The following NEK10 variants were observed in gnomAD, a reference collection of about 807,000 sequenced individuals.
NEK10 encodes the protein NIMA related kinase 10.
A neutral mutation model predicts 159.8 loss-of-function variants in NEK10; 122 were observed. The observed-to-expected ratio is 0.76, with a 90% CI of 0.66 to 0.89. The LOEUF is 0.89. Ranked by LOEUF, NEK10 falls within the 40% of genes least tolerant of loss-of-function variation. The pLI, the probability that NEK10 is intolerant of heterozygous loss-of-function variation, is 0.00. For missense variants in NEK10, 1,342 were observed against 1,323.1 expected, an observed-to-expected ratio of 1.01 and a Z score of -0.22; for synonymous variants, 466 against 457.1, an observed-to-expected ratio of 1.02 and a Z score of -0.25.
chr3:27,351,048 T>C (rs1482184378), intron 3 of NEK10, among the ~76,000 whole-genome samples: 3 of 152,032 alleles, frequency 2.0e-5, no homozygotes, highest in Non-Finnish European at 4.4e-5. Context: ...AAACAAGAGT[T>C]TCCAAAGCGC....
chr3:27,301,549 G>C, intron 13 of NEK10, 147 bp downstream of exon 13: 1 of 625,204 alleles, frequency 1.6e-6, no homozygotes, highest in Non-Finnish European at 2.8e-6. Context: ...CTGGGACCAA[G>C]AAGTTTCTGG....
chr3:27,338,956 C>G (rs1409595568), intron 5 of NEK10, among the ~76,000 whole-genome samples: 1 of 152,050 alleles, frequency 6.6e-6, no homozygotes, highest in Non-Finnish European at 1.5e-5. Flanking sequence ...CTATAATATA[C>G]TAAAAACTTC....
intron 13 of NEK10, among the ~76,000 whole-genome samples, chr3:27,300,164 T>C (rs2149530586): frequency 6.6e-6 from 1 of 152,324 alleles, no homozygotes; most frequent in African/African-American, 2.4e-5. Context: ...TCATGTGTCA[T>C]GGGAGGAACC....
intron 26 of NEK10, among the ~76,000 whole-genome samples, chr3:27,182,081 A>G (rs1314556772): frequency 6.6e-6 from 1 of 152,140 alleles, no homozygotes; most frequent in African/African-American, 2.4e-5. Context: ...ATATCAAAAG[A>G]TACAGAGTTT....
chr3:27,257,715 T>C (rs1956349083), intron 22 of NEK10, among the ~76,000 whole-genome samples: 4 of 152,084 alleles, frequency 2.6e-5, no homozygotes, highest in Admixed American at 2.0e-4. Flanking sequence ...ATCTGAATAC[T>C]GACTCTATTA....
chr3:27,172,160 C>A (rs1479755108), intron 28 of NEK10, among the ~76,000 whole-genome samples: 6 of 151,330 alleles, frequency 4.0e-5, no homozygotes, highest in African/African-American at 1.5e-4. Flanking sequence ...AACATGAAAC[C>A]CCGTCCCTAC....
At chr3:27,288,768 A>G (rs900406534) in intron 19 of NEK10, among the ~76,000 whole-genome samples, 1 of 152,206 alleles carries the variant, frequency 6.6e-6, no homozygotes, top group Non-Finnish European at 1.5e-5. Flanking sequence ...TTGAGTTTCT[A>G]GATAAAATTT....
Position 27,130,395 on chromosome 3 carries a change from A to C in NEK10, c.3081+1485T>G, listed in dbSNP as rs534920007. 3.3e-5 allele frequency among the ~76,000 whole-genome samples: 5 copies of C among 152,302 alleles called. No individual in the cohort carries two copies. In the South Asian group the frequency reaches 1.0e-3, roughly 32 times the overall value. ...GAGAGATGCTGCCACAATACACAGG[A>C]AGGAAGACAAGGAGTGGGTGGGAGA... On this transcript the variant is annotated intron_variant, in intron 32 of 35. Coordinates refer to ENST00000691995, the MANE Select transcript of NEK10 (RefSeq NM_001394966.1).
intron 26 of NEK10, among the ~76,000 whole-genome samples, chr3:27,188,220 G>T (rs1948792438): frequency 1.3e-5 from 2 of 152,026 alleles, no homozygotes; most frequent in South Asian, 4.2e-4. Flanking sequence ...TCCTCCCTAG[G>T]CCTCATTAAT....
chr3:27,295,479 C>A (rs747350737), intron 15 of NEK10, 134 bp downstream of exon 15: 22 of 1,022,814 alleles, frequency 2.2e-5, no homozygotes, highest in Admixed American at 4.0e-5. Flanking sequence ...GTCTTCCTTG[C>A]CAGATATTTT....
intron 23 of NEK10, among the ~76,000 whole-genome samples, chr3:27,204,412 A>C (rs1323710816): frequency 9.4e-6 from 1 of 106,262 alleles, no homozygotes; most frequent in Non-Finnish European, 1.9e-5. Context: ...GCACCCACTA[A>C]CTCGTCATCT....
rs1946288544 is a variant in NEK10 at position 27,164,345 on chromosome 3, G to C, written c.2832-1607C>G. Among the ~76,000 whole-genome samples, 5 of 152,220 alleles carry C rather than the reference G, an allele frequency of 3.3e-5. No homozygotes were observed. In the South Asian group the frequency reaches 1.0e-3, roughly 32 times the overall value. On this transcript the variant is annotated intron_variant, in intron 29 of 35. Coordinates refer to ENST00000691995, the MANE Select transcript of NEK10 (RefSeq NM_001394966.1). ...GCACAAATGCCATACCCCAGCAAATGCTTTCCGAATAACTTTGCCCCTTAC... is the reference window on the plus strand; with the variant it reads ...GCACAAATGCCATACCCCAGCAAATCCTTTCCGAATAACTTTGCCCCTTAC...
chr3:27,126,929 T>C (rs1265429747), intron 32 of NEK10, among the ~76,000 whole-genome samples: 1 of 152,142 alleles, frequency 6.6e-6, no homozygotes, highest in Non-Finnish European at 1.5e-5. Flanking sequence ...CAATTCTAAC[T>C]GGCAGCTTTG....
chr3:27,309,135 G>T, intron 9 of NEK10, 130 bp from the exon 10 acceptor site: 1 of 477,204 alleles, frequency 2.1e-6, no homozygotes, highest in Non-Finnish European at 3.8e-6. Context: ...AGATCATATA[G>T]GCTTAACTGT....
chr3:27,141,459 A>C, intron 31 of NEK10, 23 bp downstream of exon 31: 1 of 1,534,430 alleles, frequency 6.5e-7, no homozygotes, highest in Non-Finnish European at 8.9e-7. Context: ...GATGAAAAGG[A>C]AATAAAAAGC....
chr3:27,141,470 T>C lies in NEK10; in HGVS notation c.2970+12A>G. ...TTAAGATGAAAAGGAAATAAAAAGC[T>C]AGAACACTGACCTGTGTGATATAGA... On this transcript the variant is annotated intron_variant, in intron 31 of 35. Transcript: ENST00000691995. The C allele has an allele frequency of 6.4e-7, 1 of 1,572,828 alleles. No homozygotes were observed. Among genetic ancestry groups the C allele is most frequent in the Non-Finnish European group, 8.7e-7 (1 of 1,153,564 alleles).
chr3:27,335,803 T>G (rs1376730648), intron 5 of NEK10, among the ~76,000 whole-genome samples: 1 of 152,124 alleles, frequency 6.6e-6, no homozygotes, highest in African/African-American at 2.4e-5. Context: ...TAGAAAAATT[T>G]CTTGAAACAA....
At chr3:27,144,359 A>G (rs1944089058) in intron 30 of NEK10, among the ~76,000 whole-genome samples, 1 of 152,184 alleles carries the variant, frequency 6.6e-6, no homozygotes, top group South Asian at 2.1e-4. Flanking sequence ...ATTTCTCATG[A>G]TAATAAGTGA....
Position 27,201,519 on chromosome 3 carries a change from G to A in NEK10, c.2282C>T (p.Thr761Ile). Residue 761 changes from threonine (T) to isoleucine (I), a missense_variant, in exon 25 of 36, where the codon ACC (threonine) becomes ATC (isoleucine). Coordinates refer to ENST00000691995, the MANE Select transcript of NEK10 (RefSeq NM_001394966.1). ...CCGCAAGACTAATTACCTGCTGATG[G>A]TGTCTGTTACTTTTTCAGAGTAGAT... ...EGIYSEKVTD[T>I]ISRCLTPDAE... The A allele has an allele frequency of 8.7e-6, 14 of 1,613,716 alleles. No individual in the cohort carries two copies. Among genetic ancestry groups the A allele is most frequent in the Non-Finnish European group, 1.2e-5 (14 of 1,179,734 alleles).
Sources: gnomAD v4.1 joint callset for allele counts (sites outside exome capture counted in the v4.1 genomes callset) on GRCh38, gnomAD v4.1.1 for gene constraint, MANE v1.5 for transcripts, NCBI Gene and HGNC (gene_info 2026-07-23, HGNC 2026-07-21) for gene names.